SLC38A4: variants seen among roughly 807,000 people sequenced by gnomAD.
The protein encoded by SLC38A4 is solute carrier family 38 member 4, also known as sodium-coupled neutral amino acid transporter 4.
In SLC38A4, 20 loss-of-function variants were observed where a neutral mutation model predicts 63.1. That is an observed-to-expected ratio of 0.32 (90% confidence interval 0.22 to 0.46). The LOEUF (loss-of-function observed/expected upper bound fraction) is 0.46. Among genes scored for constraint, SLC38A4 ranks in the 20% least tolerant of loss-of-function variants. The pLI, the probability that SLC38A4 is intolerant of heterozygous loss-of-function variation, is 1.00. For missense variants in SLC38A4, 526 were observed against 663.6 expected, an observed-to-expected ratio of 0.79 and a Z score of 2.28; for synonymous variants, 230 against 225.5, an observed-to-expected ratio of 1.02 and a Z score of -0.18.
chr12:46,766,968 G>A (rs549655455), intron 16 of SLC38A4, among the ~76,000 whole-genome samples, 166 bp from the exon 17 acceptor site: 3 of 152,062 alleles, frequency 2.0e-5, no homozygotes, highest in East Asian at 1.9e-4. Flanking sequence ...AATCCTAGTT[G>A]AAGAAAGAAG....
intron 14 of SLC38A4, among the ~76,000 whole-genome samples, chr12:46,769,789 T>G (rs1339013426): frequency 2.0e-5 from 3 of 152,236 alleles, no homozygotes; most frequent in African/African-American, 7.2e-5. Context: ...TTCAGTACAG[T>G]AACATGCTGT....
intron 10 of SLC38A4, 128 bp from the exon 11 acceptor site, chr12:46,778,904 A>C: frequency 3.8e-6 from 3 of 792,380 alleles, no homozygotes; most frequent in Non-Finnish European, 3.9e-6. Flanking sequence ...TTTTAGACTA[A>C]TGGACAAAGT....
chr12:46,810,660 T>C (rs1939322448), intron 1 of SLC38A4, among the ~76,000 whole-genome samples: 1 of 151,914 alleles, frequency 6.6e-6, no homozygotes, highest in Admixed American at 6.6e-5. Flanking sequence ...TGTGGAAATG[T>C]AGATAGTGTC....
intron 1 of SLC38A4, among the ~76,000 whole-genome samples, chr12:46,818,529 C>T (rs1432958549): frequency 6.6e-6 from 1 of 151,624 alleles, no homozygotes; most frequent in Non-Finnish European, 1.5e-5. Context: ...TAATATAGTA[C>T]AACTCATTTT....
intron 1 of SLC38A4, among the ~76,000 whole-genome samples, chr12:46,811,770 C>A (rs1939343721): frequency 6.6e-6 from 1 of 151,884 alleles, no homozygotes; most frequent in East Asian, 1.9e-4. Flanking sequence ...TTATGTGGAC[C>A]TGGTCCTCTG....
At chr12:46,831,593 G>A (rs1022020003) in intron 1 of SLC38A4, among the ~76,000 whole-genome samples, 1 of 152,330 alleles carries the variant, frequency 6.6e-6, no homozygotes, top group Admixed American at 6.5e-5. Context: ...GAGACCAGGG[G>A]CCCACATCCA....
chr12:46,788,748 C>T (rs76191003), intron 3 of SLC38A4, 130 bp from the exon 4 acceptor site: 56,513 of 737,274 alleles, frequency 0.077, 2,451 homozygotes, highest in South Asian at 0.14. Flanking sequence ...TTTTCTTTTC[C>T]TCCTTCACAC....
chr12:46,829,547 G>A (rs535969484), upstream of SLC38A4, among the ~76,000 whole-genome samples: 11 of 152,098 alleles, frequency 7.2e-5, no homozygotes, highest in Non-Finnish European at 1.0e-4. Context: ...AAGTCCACAA[G>A]CTGTTAAGTG....
chr12:46,788,560 T>C lies in SLC38A4; in HGVS notation c.178A>G (p.Lys60Glu). The change falls in exon 4 of 17, where the codon AAA becomes GAA. Residue 60 changes from lysine to glutamate, a missense_variant. Transcript: ENST00000266579. ...QKFLTNGFLG[K>E]KKLADYADEH... ...TCAGCATAATCTGCCAGCTTCTTTT[T>C]CCCCAAAAATCCATTTGTCAGGAAT... 1.2e-6 allele frequency: 2 copies of C among 1,613,712 alleles called. No homozygotes were observed. Among genetic ancestry groups the C allele is most frequent in the Non-Finnish European group, 1.7e-6 (2 of 1,179,854 alleles).
chr12:46,777,987 C>A (rs919010089), intron 12 of SLC38A4, among the ~76,000 whole-genome samples: 3 of 151,908 alleles, frequency 2.0e-5, no homozygotes, highest in African/African-American at 4.8e-5. Flanking sequence ...TTCTTCCGAA[C>A]AAAATTCAAA....
upstream of SLC38A4, among the ~76,000 whole-genome samples, chr12:46,829,148 AC>A (rs1939697360): frequency 1.3e-5 from 2 of 152,222 alleles, no homozygotes; most frequent in Admixed American, 1.3e-4. Context: ...GATAACAAAT[AC>A]CTATAGAATA....
In SLC38A4 at chr12:46,784,696, T is replaced by A. The variant is rs1191265566; in HGVS notation, c.401-62A>T. 4 of 1,321,514 alleles carry A rather than the reference T, an allele frequency of 3.0e-6. No homozygotes were observed. In the African/African-American group the frequency reaches 5.9e-5, roughly 19 times the overall value. 81.9% of individuals were successfully genotyped at this position (1,321,514 alleles called of 1,614,324 possible). On this transcript the variant is annotated intron_variant, in intron 6 of 16. Coordinates refer to ENST00000266579, the MANE Select transcript of SLC38A4 (RefSeq NM_018018.5). ...TGTTTTAATGACTAAAATATTTTTG[T>A]CATATAATTCCATGCTGGAGTCTCA...
chr12:46,798,320 C>T (rs140925024), intron 2 of SLC38A4, among the ~76,000 whole-genome samples: 103 of 152,314 alleles, frequency 6.8e-4, no homozygotes, highest in African/African-American at 2.4e-3. Flanking sequence ...TCCGTCCACA[C>T]TCTCCTCACC....
At chr12:46,784,425 A>T in intron 7 of SLC38A4, 117 bp downstream of exon 7, 1 of 593,638 alleles carries the variant, frequency 1.7e-6, no homozygotes, top group Non-Finnish European at 2.7e-6. Flanking sequence ...AAAATTTAAG[A>T]ACTATAAGTA....
Position 46,795,552 on chromosome 12 carries a change from C to T in SLC38A4, c.-112-2369G>A, listed in dbSNP as rs529079915. On this transcript the variant is annotated intron_variant, in intron 2 of 16. Coordinates refer to ENST00000266579, the MANE Select transcript of SLC38A4 (RefSeq NM_018018.5). ...CTTGCTCAGCTGCTAGTTTCTTGAA[C>T]GGCATTCTATCTTCTTTCTTCAGTT... is the stretch of plus-strand genomic sequence containing the variant. Among the ~76,000 whole-genome samples, 24 of 152,194 alleles carry T rather than the reference C, an allele frequency of 1.6e-4. No homozygotes were observed. The South Asian group carries it at 1.9e-3, about 12-fold the overall frequency.
chr12:46,807,062 C>T (rs1372483424), intron 1 of SLC38A4, among the ~76,000 whole-genome samples: 1 of 151,750 alleles, frequency 6.6e-6, no homozygotes, highest in African/African-American at 2.4e-5. Context: ...AACTGTTGTT[C>T]TCGTCATGAC....
upstream of SLC38A4, among the ~76,000 whole-genome samples, chr12:46,827,340 C>T (rs1215723178): frequency 6.6e-6 from 1 of 152,072 alleles, no homozygotes; most frequent in Non-Finnish European, 1.5e-5. Flanking sequence ...AATTGAATTC[C>T]CTTCCTAATA....
chr12:46,812,567 A>T (rs1315613686), intron 1 of SLC38A4, among the ~76,000 whole-genome samples: 3 of 152,174 alleles, frequency 2.0e-5, no homozygotes, highest in East Asian at 1.9e-4. Flanking sequence ...CTTTTTTCTC[A>T]TTTATAAAAT....
intron 1 of SLC38A4, among the ~76,000 whole-genome samples, chr12:46,822,730 A>G: frequency 6.6e-6 from 1 of 152,220 alleles, no homozygotes. Flanking sequence ...TGGGATCAGA[A>G]GTTTGACCTT....
Sources: allele counts gnomAD v4.1 joint callset (sites outside exome capture counted in the v4.1 genomes callset), GRCh38; gene constraint gnomAD v4.1.1; transcripts MANE v1.5; gene names NCBI Gene and HGNC (gene_info 2026-07-23, HGNC 2026-07-21).